The following STK32C variants were observed in gnomAD, a reference collection of about 807,000 sequenced individuals.
STK32C encodes serine/threonine kinase 32C, also known as serine/threonine-protein kinase 32C.
In STK32C, 31 loss-of-function variants were observed where a neutral mutation model predicts 56.5. The observed-to-expected ratio is 0.55, with a 90% CI of 0.41 to 0.74. The LOEUF (loss-of-function observed/expected upper bound fraction) is 0.74. Ranked by LOEUF, STK32C falls within the 30% of genes least tolerant of loss-of-function variation. The pLI is 0.00. For synonymous variants in STK32C, 309 were observed against 289.4 expected (o/e 1.07, Z -0.69); for missense variants, 544 against 676.9 (o/e 0.80, Z 2.18).
At chr10:132,224,616 C>T (rs1394518109) in intron 7 of STK32C, 93 bp from the exon 8 acceptor site, 9 of 891,446 alleles carry the variant, frequency 1.0e-5, no homozygotes, top group Admixed American at 2.0e-5. Context: ...CTGAGAGGAC[C>T]CCCTCCCCCC....
chr10:132,327,679 G>A (rs1301590960), intron 1 of STK32C, among the ~76,000 whole-genome samples: 1 of 152,102 alleles, frequency 6.6e-6, no homozygotes, highest in Non-Finnish European at 1.5e-5. Flanking sequence ...GTTTCGCCAT[G>A]TTGGTCAGGC....
Position 132,222,942 on chromosome 10 carries a change from G to A in STK32C, c.1038C>T (p.Asp346=), listed in dbSNP as rs765758515. The part of the protein sequence containing the change: ...NPEHRLSSLQ[D]VQAAPALAGV... ...CGGCCAGCGCCGGGGCTGCCTGCAC[G>A]TCCTGGAGGCTGGAGAGCCGGTGCT... The change falls in exon 9 of 12, where the codon GAC becomes GAT. Residue 346 remains aspartate, a synonymous_variant. Transcript: ENST00000298630. 53 of 1,555,018 alleles carry A rather than the reference G, an allele frequency of 3.4e-5. No homozygotes were observed. Among genetic ancestry groups the A allele is most frequent in the Admixed American group, 1.1e-4 (6 of 52,628 alleles).
upstream of STK32C, among the ~76,000 whole-genome samples, chr10:132,309,874 C>G (rs1590480932): frequency 6.6e-6 from 1 of 152,196 alleles, no homozygotes; most frequent in Admixed American, 6.5e-5. Flanking sequence ...AAAGATATAA[C>G]GTCCCCACCA....
chr10:132,302,036 G>T (rs950055334), intron 1 of STK32C, among the ~76,000 whole-genome samples: 1 of 152,174 alleles, frequency 6.6e-6, no homozygotes, highest in Non-Finnish European at 1.5e-5. Context: ...ACCCCAGGCC[G>T]GCTGGGTCAG....
intron 2 of STK32C, among the ~76,000 whole-genome samples, chr10:132,232,411 G>C (rs558880855): frequency 6.6e-6 from 1 of 152,318 alleles, no homozygotes; most frequent in Admixed American, 6.5e-5. Context: ...CCAACGAGCG[G>C]TGGCGTAAAG....
In STK32C at chr10:132,250,321, C is replaced by T. The variant is rs182454258; in HGVS notation, c.263-4366G>A. Among the ~76,000 whole-genome samples the T allele has an allele frequency of 9.0e-3, 1,145 of 127,786 alleles. 21 individuals are homozygous for T. The highest frequency in any genetic ancestry group is 0.033 in the African/African-American group (1,084 of 32,714). 83.8% of individuals were successfully genotyped at this position (127,786 alleles called of 152,430 possible). On this transcript the variant is annotated intron_variant, in intron 1 of 11. Transcript: ENST00000298630. Reference sequence around the variant, plus strand: ...AGGACAGGTCACTGCAGAGAGAGGGCAGGTGTGTGTGAGGCGCACGGGACA... The same window carrying T: ...AGGACAGGTCACTGCAGAGAGAGGGTAGGTGTGTGTGAGGCGCACGGGACA...
intron 1 of STK32C, among the ~76,000 whole-genome samples, chr10:132,326,368 T>C (rs2066499490): frequency 6.6e-6 from 1 of 152,132 alleles, no homozygotes; most frequent in Admixed American, 6.5e-5. Flanking sequence ...AGTTTCACCC[T>C]GCCACCAGGC....
chr10:132,268,685 C>T (rs2064696439), intron 1 of STK32C, among the ~76,000 whole-genome samples: 2 of 136,126 alleles, frequency 1.5e-5, no homozygotes, highest in Non-Finnish European at 3.1e-5. Flanking sequence ...AGCTCTATGC[C>T]TGTCTGTGCG....
chr10:132,297,639 T>C (rs891840354), intron 1 of STK32C, among the ~76,000 whole-genome samples: 3 of 152,214 alleles, frequency 2.0e-5, no homozygotes, highest in African/African-American at 4.8e-5. Context: ...ACACACAAGA[T>C]GACTGATGTT....
intron 2 of STK32C, among the ~76,000 whole-genome samples, chr10:132,239,289 G>C (rs1159754725): frequency 6.6e-6 from 1 of 152,168 alleles, no homozygotes; most frequent in South Asian, 2.1e-4. Context: ...AGGAGAGCAG[G>C]TCAGCTCAAC....
intron 1 of STK32C, among the ~76,000 whole-genome samples, chr10:132,329,118 C>T (rs949529664): frequency 5.9e-5 from 9 of 152,228 alleles, no homozygotes; most frequent in Non-Finnish European, 1.2e-4. Context: ...AATGTGTCTA[C>T]CCCGGGCAGT....
At chr10:132,252,077 C>A (rs1590271470) in intron 1 of STK32C, among the ~76,000 whole-genome samples, 1 of 152,254 alleles carries the variant, frequency 6.6e-6, no homozygotes, top group Non-Finnish European at 1.5e-5. Context: ...TCCTGCTGGG[C>A]CCCTCAGGGC....
At chr10:132,214,322 CT>C (rs1369817293) in intron 10 of STK32C, among the ~76,000 whole-genome samples, 1 of 152,134 alleles carries the variant, frequency 6.6e-6, no homozygotes, top group Admixed American at 6.5e-5. Context: ...AGCAGACTGC[CT>C]GTTAGAAATC....
chr10:132,331,432 T>A (rs777630779), intron 1 of STK32C: 1 of 1,608,988 alleles, frequency 6.2e-7, no homozygotes, highest in Middle Eastern at 1.7e-4. Context: ...CTCAGGACAC[T>A]CACTGCGTTT....
chr10:132,226,692 A>G, intron 4 of STK32C, 103 bp downstream of exon 4: 1 of 1,397,040 alleles, frequency 7.2e-7, no homozygotes, highest in Admixed American at 1.8e-5. Flanking sequence ...GAGGAGCTAG[A>G]CCCGCTCTGA....
At chr10:132,313,144 CACA>C (rs917916387) in intron 1 of STK32C, among the ~76,000 whole-genome samples, 5 of 152,184 alleles carry the variant, frequency 3.3e-5, no homozygotes, top group African/African-American at 9.7e-5. Context: ...ACGGTTTAGA[CACA>C]ACAACCAACC....
At chr10:132,321,825 G>C (rs146434660), downstream of STK32C, among the ~76,000 whole-genome samples, 2 of 152,168 alleles carry the variant, frequency 1.3e-5, no homozygotes, top group Non-Finnish European at 2.9e-5. Flanking sequence ...ACGTATTTGT[G>C]CTTTCTCCCG....
At chr10:132,275,414 C>A (rs967214968) in intron 1 of STK32C, among the ~76,000 whole-genome samples, 16 of 152,212 alleles carry the variant, frequency 1.1e-4, no homozygotes, top group Non-Finnish European at 1.5e-5. Flanking sequence ...AGGCAGCCAT[C>A]CTGGCCTTGG....
intron 2 of STK32C, among the ~76,000 whole-genome samples, chr10:132,239,508 G>T (rs886781832): frequency 4.6e-5 from 7 of 152,248 alleles, no homozygotes; most frequent in Non-Finnish European, 8.8e-5. Context: ...TGCCAGATGG[G>T]GGTCGCTCCA....
Sources: gnomAD v4.1 joint callset for allele counts (sites outside exome capture counted in the v4.1 genomes callset) on GRCh38, gnomAD v4.1.1 for gene constraint, MANE v1.5 for transcripts, NCBI Gene and HGNC (gene_info 2026-07-23, HGNC 2026-07-21) for gene names.